Variants in XKR5 observed in about 807,000 individuals in gnomAD.
XKR5 encodes the protein XK related 5, also known as XK-related protein 5.
A neutral mutation model predicts 40.8 loss-of-function variants in XKR5; 46 were observed. The observed-to-expected ratio is 1.13, with a 90% CI of 0.89 to 1.44. The LOEUF (loss-of-function observed/expected upper bound fraction) is 1.44. Among genes scored for constraint, XKR5 ranks in the 40% most tolerant of loss-of-function variants. The probability of loss-of-function intolerance (pLI) is 0.00; values close to 1 mark genes in which losing one functional copy is unlikely to be tolerated. For synonymous variants in XKR5, 466 were observed against 356.1 expected, an observed-to-expected ratio of 1.31 and a Z score of -3.48; for missense variants, 1,169 against 844.7, an observed-to-expected ratio of 1.38 and a Z score of -4.76.
rs1245671370 is a variant in XKR5 at position 6,810,918 on chromosome 8, G to C, written c.*280C>G. 3.4e-6 allele frequency: 1 copy of C among 292,750 alleles called. No homozygotes were observed. The highest frequency in any genetic ancestry group is 2.2e-5 in the African/African-American group (1 of 46,084). 18.1% of individuals were successfully genotyped at this position (292,750 alleles called of 1,614,324 possible). A position where few individuals can be genotyped will look rare whatever the true frequency, so the allele number is the denominator to read the frequency against. On this transcript the variant is annotated 3_prime_UTR_variant, in exon 7 of 7. Transcript: ENST00000618742. The stretch of plus-strand genomic sequence containing the variant: ...AAAAGATAAAATAAGGGAACCTACA[G>C]CTCATAAAAGGTAGCAGACAATTTT...
At chr8:6,823,759 G>A in intron 3 of XKR5, 29 bp from the exon 4 acceptor site, 1 of 1,524,648 alleles carries the variant, frequency 6.6e-7, no homozygotes, top group Non-Finnish European at 8.9e-7. Flanking sequence ...GATGTGGTAT[G>A]CTCTGAAGAT....
At position 6,811,139 on chromosome 8, in the gene XKR5, C is replaced by A; in HGVS notation, c.*59G>T. 6.9e-7 allele frequency: 1 copy of A among 1,458,706 alleles called. No individual in the cohort carries two copies. The highest frequency in any genetic ancestry group is 2.5e-5 in the East Asian group (1 of 40,132). The allele number at this position is 1,458,706 out of a possible 1,614,324, so 90.4% of individuals were successfully genotyped here. A position where few individuals can be genotyped will look rare whatever the true frequency, so the allele number is the denominator to read the frequency against. ...GTCAGAAGTGGGATTTCCTTTCTCA[C>A]GGTACCAAATGGCCAGCTTGGTTTG... On this transcript the variant is annotated 3_prime_UTR_variant, in exon 7 of 7. Transcript: ENST00000618742.
At chr8:6,822,458 C>T (rs1021846119) in intron 4 of XKR5, among the ~76,000 whole-genome samples, 6 of 152,118 alleles carry the variant, frequency 3.9e-5, no homozygotes, top group Middle Eastern at 3.4e-3. Context: ...TTTTTATGCC[C>T]ATATTTTAAG....
intron 2 of XKR5, among the ~76,000 whole-genome samples, chr8:6,827,193 T>C (rs565839046): frequency 2.2e-4 from 34 of 152,086 alleles, no homozygotes; most frequent in Non-Finnish European, 3.5e-4. Context: ...CCAATTCCTC[T>C]CTGGGTCTAC....
rs1386095634 is a variant in XKR5, at chr8:6,832,032, A to C, written c.242+685T>G. Among the ~76,000 whole-genome samples, 15 of 145,894 alleles carry C rather than the reference A, an allele frequency of 1.0e-4. No homozygotes were observed. The East Asian group carries it at 2.4e-3, about 23-fold the overall frequency. On this transcript the variant is annotated intron_variant, in intron 2 of 6. Coordinates refer to ENST00000618742, the MANE Select transcript of XKR5 (RefSeq NM_207411.5). ...TCCATCTCAAAAAAAAAAAAAAAAA[A>C]AAACAAACCTAACAACCCAATGGAA...
In XKR5 at chr8:6,811,957, A is replaced by C. The variant is rs1469667442; in HGVS notation, c.1302T>G (p.Pro434=). 1.3e-6 allele frequency: 2 copies of C among 1,537,346 alleles called. No homozygotes were observed. The highest frequency in any genetic ancestry group is 4.9e-5 in the East Asian group (2 of 40,912). Reference sequence around the variant, plus strand: ...AGTCCTGTTGACTCAACCCCCATGCAGGTGGACAATAGGCAGGACTGTTAT... The same window carrying C: ...AGTCCTGTTGACTCAACCCCCATGCCGGTGGACAATAGGCAGGACTGTTAT... The part of the protein sequence containing the change: ...FGDNSPAYCP[P]AWGLSQQDYL... The change falls in exon 7 of 7, where the codon CCT becomes CCG. Residue 434 remains proline (P), a synonymous_variant. Transcript: ENST00000618742.
At chr8:6,832,355 T>G (rs1469547267) in intron 2 of XKR5, among the ~76,000 whole-genome samples, 1 of 152,242 alleles carries the variant, frequency 6.6e-6, no homozygotes, top group African/African-American at 2.4e-5. Context: ...TATGCCACCT[T>G]CCTGTTCTAA....
chr8:6,815,747 GT>G, intron 6 of XKR5, 59 bp downstream of exon 6: 1 of 1,192,636 alleles, frequency 8.4e-7, no homozygotes, highest in Non-Finnish European at 1.2e-6. Flanking sequence ...TGAGCCCATT[GT>G]AAAAAAAAAA....
At chr8:6,832,681 T>A in intron 2 of XKR5, 36 bp downstream of exon 2, 1 of 1,609,358 alleles carries the variant, frequency 6.2e-7, no homozygotes, top group African/African-American at 1.3e-5. Context: ...ACTTGTGCAA[T>A]TGTGCTCCAG....
chr8:6,833,400 A>G (rs1204103820), intron 1 of XKR5, among the ~76,000 whole-genome samples: 1 of 152,210 alleles, frequency 6.6e-6, no homozygotes, highest in African/African-American at 2.4e-5. Flanking sequence ...ACCTGTGAGT[A>G]CAGCAAACTT....
chr8:6,814,440 G>C (rs1179199816), intron 6 of XKR5, among the ~76,000 whole-genome samples: 1 of 152,112 alleles, frequency 6.6e-6, no homozygotes, highest in African/African-American at 2.4e-5. Flanking sequence ...AATAGAAACA[G>C]AGAACAGAAT....
intron 5 of XKR5, among the ~76,000 whole-genome samples, chr8:6,820,158 G>C (rs1239139930): frequency 6.6e-6 from 1 of 152,206 alleles, no homozygotes; most frequent in African/African-American, 2.4e-5. Flanking sequence ...GGGCAGCAAG[G>C]CCTAAAGCCC....
chr8:6,832,631 G>A, intron 2 of XKR5, 86 bp downstream of exon 2: 1 of 1,543,402 alleles, frequency 6.5e-7, no homozygotes, highest in Non-Finnish European at 8.9e-7. Context: ...TTATGAGCTT[G>A]AGGACAGAAT....
Position 6,812,116 on chromosome 8 carries a change from C to G in XKR5, c.1143G>C (p.Glu381Asp). 6.5e-7 allele frequency: 1 copy of G among 1,547,630 alleles called. No individual in the cohort carries two copies. The highest frequency in any genetic ancestry group is 8.7e-7 in the Non-Finnish European group (1 of 1,146,992). ...PTILGKPPTPEQVPPEAGLGT... is the reference protein window; with the variant it reads ...PTILGKPPTPDQVPPEAGLGT... ...CCAGCCCAGCCTCTGGGGGGACCTGCTCAGGGGTAGGGGGCTTCCCTAAAA... is the reference window on the plus strand; with the variant it reads ...CCAGCCCAGCCTCTGGGGGGACCTGGTCAGGGGTAGGGGGCTTCCCTAAAA... Residue 381 changes from glutamate to aspartate, a missense_variant, in exon 7 of 7, where the codon GAG (glutamate) becomes GAC (aspartate). Physicochemically the swap from Glu to Asp is conservative, Grantham distance 45. Coordinates refer to ENST00000618742, the MANE Select transcript of XKR5 (RefSeq NM_207411.5).
At chr8:6,825,138 C>G in intron 3 of XKR5, 27 bp downstream of exon 3, 1 of 1,611,816 alleles carries the variant, frequency 6.2e-7, no homozygotes, top group Non-Finnish European at 8.5e-7. Flanking sequence ...GTCAGACAGT[C>G]TGTGCTCTGT....
chr8:6,835,302 G>A, intron 1 of XKR5, 134 bp downstream of exon 1: 1 of 884,262 alleles, frequency 1.1e-6, no homozygotes, highest in East Asian at 3.4e-5. Context: ...CCACCACCGT[G>A]CGTCACCGGC....
chr8:6,828,669 C>T (rs1403734836), intron 2 of XKR5, among the ~76,000 whole-genome samples: 2 of 152,304 alleles, frequency 1.3e-5, no homozygotes, highest in East Asian at 3.9e-4. Context: ...TCCTTATCAG[C>T]ACTTGCCTGG....
chr8:6,830,530 G>A (rs1203449038), intron 2 of XKR5, among the ~76,000 whole-genome samples: 3 of 152,100 alleles, frequency 2.0e-5, no homozygotes, highest in Admixed American at 2.0e-4. Flanking sequence ...ATAAACCTTA[G>A]GGCCAAATTG....
intron 2 of XKR5, among the ~76,000 whole-genome samples, chr8:6,831,044 CCT>C (rs1454331844): frequency 6.6e-6 from 1 of 152,218 alleles, no homozygotes; most frequent in Non-Finnish European, 1.5e-5. Flanking sequence ...CCTGGGCTTA[CCT>C]CTCTCTTTGG....
Sources: allele counts gnomAD v4.1 joint callset (sites outside exome capture counted in the v4.1 genomes callset), GRCh38; gene constraint gnomAD v4.1.1; transcripts MANE v1.5; gene names NCBI Gene and HGNC (gene_info 2026-07-23, HGNC 2026-07-21).